The following NELL2 variants were observed in gnomAD, a reference collection of about 807,000 sequenced individuals.
The protein encoded by NELL2 is neural EGFL like 2.
NELL2 carries 41 observed loss-of-function variants against 109.6 expected under a neutral mutation model. The ratio of observed to expected loss-of-function variants is 0.37; its 90% confidence interval spans 0.29 to 0.49. The LOEUF (loss-of-function observed/expected upper bound fraction) is 0.49. Among genes scored for constraint, NELL2 ranks in the 20% least tolerant of loss-of-function variants. The pLI, the probability that NELL2 is intolerant of heterozygous loss-of-function variation, is 0.98. For missense variants in NELL2, 900 were observed against 1,008.3 expected, an observed-to-expected ratio of 0.89 and a Z score of 1.45; for synonymous variants, 355 against 344.7, an observed-to-expected ratio of 1.03 and a Z score of -0.33.
chr12:44,660,463 C>T (rs760377494), intron 13 of NELL2, among the ~76,000 whole-genome samples: 73 of 152,294 alleles, frequency 4.8e-4, no homozygotes, highest in Non-Finnish European at 8.5e-4. Flanking sequence ...AATAATATTA[C>T]AGGATGTTTA....
chr12:44,530,222 G>A (rs149273600), intron 16 of NELL2, among the ~76,000 whole-genome samples: 22 of 152,280 alleles, frequency 1.4e-4, no homozygotes, highest in South Asian at 6.2e-4. Flanking sequence ...AGTACGGGTC[G>A]TGGTGGAAAG....
intron 2 of NELL2, among the ~76,000 whole-genome samples, chr12:44,841,926 T>G (rs1208226244): frequency 6.6e-6 from 1 of 151,612 alleles, no homozygotes; most frequent in African/African-American, 2.4e-5. Flanking sequence ...AGGATAATCT[T>G]CCAGTAAAAT....
Position 44,875,935 on chromosome 12 carries a change from T to A in NELL2, c.-66A>T. Reference sequence around the variant, plus strand: ...TAAAAATAAAAATCGAAGAGGTTCTTGGAATCAAGCGGGAAAATAACGTTT... The same window carrying A: ...TAAAAATAAAAATCGAAGAGGTTCTAGGAATCAAGCGGGAAAATAACGTTT... On this transcript the variant is annotated 5_prime_UTR_variant, in exon 1 of 20. Transcript: ENST00000429094. 1 of 1,608,802 alleles carries A rather than the reference T, an allele frequency of 6.2e-7. No homozygotes were observed. The highest frequency in any genetic ancestry group is 8.5e-7 in the Non-Finnish European group (1 of 1,179,626).
intron 9 of NELL2, among the ~76,000 whole-genome samples, chr12:44,723,803 C>G (rs1001796162): frequency 5.3e-5 from 8 of 152,068 alleles, no homozygotes; most frequent in Non-Finnish European, 1.2e-4. Flanking sequence ...AGAATGCAAA[C>G]TAGTTTAGCC....
chr12:44,910,447 C>A (rs865931628), intron 1 of NELL2, among the ~76,000 whole-genome samples: 3 of 151,826 alleles, frequency 2.0e-5, no homozygotes, highest in Middle Eastern at 3.4e-3. Context: ...TTATTAAAAA[C>A]TCAAAAACAC....
intron 9 of NELL2, among the ~76,000 whole-genome samples, chr12:44,762,919 T>C (rs1405757623): frequency 6.6e-6 from 1 of 152,206 alleles, no homozygotes; most frequent in African/African-American, 2.4e-5. Flanking sequence ...TTCACCTTTA[T>C]TTCACTTAAT....
chr12:44,840,085 T>C (rs758448089), intron 2 of NELL2, among the ~76,000 whole-genome samples: 5 of 152,214 alleles, frequency 3.3e-5, no homozygotes, highest in Non-Finnish European at 7.3e-5. Flanking sequence ...CCCCATATTT[T>C]TGCAGATGCT....
chr12:44,592,487 T>A (rs959562860), intron 15 of NELL2, among the ~76,000 whole-genome samples: 1 of 151,974 alleles, frequency 6.6e-6, no homozygotes, highest in African/African-American at 2.4e-5. Flanking sequence ...GATTAGATAG[T>A]TAGGTAGATA....
chr12:44,819,938 G>A (rs1453875130), intron 2 of NELL2, among the ~76,000 whole-genome samples: 3 of 152,142 alleles, frequency 2.0e-5, no homozygotes, highest in Non-Finnish European at 4.4e-5. Flanking sequence ...CGGAGAAAGA[G>A]ACAGTGTGGA....
intron 9 of NELL2, among the ~76,000 whole-genome samples, chr12:44,737,936 A>T (rs1314978389): frequency 6.6e-6 from 1 of 152,184 alleles, no homozygotes; most frequent in African/African-American, 2.4e-5. Context: ...AGGTAAAAAT[A>T]CAGACCAGCT....
At chr12:44,866,548 C>T (rs988483215) in intron 2 of NELL2, among the ~76,000 whole-genome samples, 4 of 151,512 alleles carry the variant, frequency 2.6e-5, no homozygotes, top group Non-Finnish European at 5.9e-5. Context: ...AAACAAATAA[C>T]CTAAAGTTAC....
At chr12:44,598,939 A>G (rs1338756284) in intron 15 of NELL2, among the ~76,000 whole-genome samples, 1 of 151,404 alleles carries the variant, frequency 6.6e-6, no homozygotes, top group Non-Finnish European at 1.5e-5. Context: ...AAAATCCACC[A>G]GCACAGGCGA....
At chr12:44,682,221 G>C (rs940350926) in intron 12 of NELL2, among the ~76,000 whole-genome samples, 1 of 150,322 alleles carries the variant, frequency 6.7e-6, no homozygotes, top group Non-Finnish European at 1.5e-5. Flanking sequence ...GTCTTCTTTT[G>C]AGAAGTGTCT....
intron 12 of NELL2, among the ~76,000 whole-genome samples, chr12:44,702,731 C>T (rs1028275689): frequency 6.6e-6 from 1 of 152,060 alleles, no homozygotes; most frequent in Non-Finnish European, 1.5e-5. Flanking sequence ...GGAATGATCC[C>T]TTTAGGACTG....
chr12:44,626,898 ATTTTGTTTTT>A (rs1445258687), intron 13 of NELL2, among the ~76,000 whole-genome samples: 2 of 152,198 alleles, frequency 1.3e-5, no homozygotes, highest in Non-Finnish European at 2.9e-5. Context: ...AGAAATTTAC[ATTTTGTTTTT>A]TAGAAAAGCC....
At chr12:44,635,825 T>C (rs909079045) in intron 13 of NELL2, among the ~76,000 whole-genome samples, 5 of 152,182 alleles carry the variant, frequency 3.3e-5, no homozygotes, top group African/African-American at 4.8e-5. Flanking sequence ...GTGAAGAAAG[T>C]CAATTGTAGC....
intron 1 of NELL2, among the ~76,000 whole-genome samples, chr12:44,892,799 A>G (rs1252238330): frequency 7.6e-6 from 1 of 130,968 alleles, no homozygotes; most frequent in African/African-American, 3.1e-5. Context: ...CTCTGTCTCA[A>G]AAAAAAAAAA....
At chr12:44,836,089 T>G (rs1198920596) in intron 2 of NELL2, among the ~76,000 whole-genome samples, 1 of 152,138 alleles carries the variant, frequency 6.6e-6, no homozygotes, top group Non-Finnish European at 1.5e-5. Context: ...GTGATCAGCC[T>G]TTTCAGAGAG....
chr12:44,662,367 T>A (rs1947776384), intron 13 of NELL2, among the ~76,000 whole-genome samples: 2 of 152,204 alleles, frequency 1.3e-5, no homozygotes, highest in African/African-American at 4.8e-5. Context: ...TTCCCTTTAC[T>A]TTTGTATGAC....
Sources: allele counts gnomAD v4.1 joint callset (sites outside exome capture counted in the v4.1 genomes callset), GRCh38; gene constraint gnomAD v4.1.1; transcripts MANE v1.5; gene names NCBI Gene and HGNC (gene_info 2026-07-23, HGNC 2026-07-21).